SPIRE1: variants seen among roughly 807,000 people sequenced by gnomAD.
The protein encoded by SPIRE1 is protein spire homolog 1.
SPIRE1 carries 40 observed loss-of-function variants against 94.1 expected under a neutral mutation model. The ratio of observed to expected loss-of-function variants is 0.43; its 90% CI spans 0.33 to 0.55. SPIRE1 has a LOEUF of 0.55. Among genes scored for constraint, SPIRE1 ranks in the 20% least tolerant of loss-of-function variants. The probability of loss-of-function intolerance (pLI) is 0.06; values close to 1 mark genes in which losing one functional copy is unlikely to be tolerated. For missense variants in SPIRE1, 838 were observed against 975.2 expected (o/e 0.86, Z 1.87); for synonymous variants, 376 against 371.7 (o/e 1.01, Z -0.13).
At chr18:12,626,051 C>CCA (rs1555633944) in intron 2 of SPIRE1, among the ~76,000 whole-genome samples, 4 of 134,616 alleles carry the variant, frequency 3.0e-5, no homozygotes, top group South Asian at 2.3e-4. Context: ...CGCCCCCCCC[C>CCA]AAAAAAAGGA....
At chr18:12,595,426 A>T (rs1427345818) in intron 2 of SPIRE1, among the ~76,000 whole-genome samples, 1 of 152,266 alleles carries the variant, frequency 6.6e-6, no homozygotes, top group Non-Finnish European at 1.5e-5. Flanking sequence ...TGTTATACTC[A>T]GATTTCTGAC....
At chr18:12,510,447 C>T (rs2034000529) in intron 5 of SPIRE1, among the ~76,000 whole-genome samples, 1 of 151,842 alleles carries the variant, frequency 6.6e-6, no homozygotes, top group Admixed American at 6.6e-5. Flanking sequence ...CAAAAGCAAC[C>T]CATTCATATG....
At chr18:12,470,634 CAT>C (rs771620345) in intron 10 of SPIRE1, among the ~76,000 whole-genome samples, 98 of 152,264 alleles carry the variant, frequency 6.4e-4, no homozygotes, top group Non-Finnish European at 1.0e-3. Context: ...CACGTGTGTG[CAT>C]ATGTGTGGGT....
At chr18:12,622,044 C>T (rs2037485042) in intron 2 of SPIRE1, among the ~76,000 whole-genome samples, 1 of 152,114 alleles carries the variant, frequency 6.6e-6, no homozygotes, top group Non-Finnish European at 1.5e-5. Flanking sequence ...CAATTAGCCT[C>T]CACCTAAATG....
Position 12,511,091 on chromosome 18 carries a change from G to A in SPIRE1, c.807+1363C>T, listed in dbSNP as rs117686258. On this transcript the variant is annotated intron_variant, in intron 5 of 16. Transcript: ENST00000409402. Reference sequence around the variant, plus strand: ...CTCATATTGTTTATTCTGCATTCCCGGAGTCCTCACACAGGTAACTGTTCA... The same window carrying A: ...CTCATATTGTTTATTCTGCATTCCCAGAGTCCTCACACAGGTAACTGTTCA... 7.1e-3 allele frequency among the ~76,000 whole-genome samples: 1,083 copies of A among 152,172 alleles called. 6 individuals carry two copies. Among genetic ancestry groups the A allele is most frequent in the Non-Finnish European group, 0.012 (793 of 67,996 alleles).
chr18:12,658,581 A>C (rs1431103128), upstream of SPIRE1: 2 of 470,988 alleles, frequency 4.2e-6, no homozygotes, highest in Non-Finnish European at 8.8e-6. Context: ...TAGGCGCTGG[A>C]TCGCCGAAGG....
intron 12 of SPIRE1, among the ~76,000 whole-genome samples, chr18:12,462,324 A>G (rs2031899275): frequency 6.6e-6 from 1 of 152,388 alleles, no homozygotes; most frequent in Middle Eastern, 3.4e-3. Context: ...TGGACTTAGT[A>G]TTCAATATAT....
In SPIRE1 at chr18:12,503,205, T is replaced by C. The variant is rs75453253; in HGVS notation, c.972+3272A>G. On this transcript the variant is annotated intron_variant, in intron 6 of 16. Coordinates refer to ENST00000409402, the MANE Select transcript of SPIRE1 (RefSeq NM_001128626.2). ...TTTAAACATTCTTAAAAGAAACTCA[T>C]ACTGTTTGCTCACTGTCACTACTGC... Among the ~76,000 whole-genome samples the C allele has an allele frequency of 8.4e-3, 1,285 of 152,256 alleles. 41 individuals carry two copies. Among genetic ancestry groups the C allele is most frequent in the East Asian group, 0.068 (351 of 5,176 alleles).
In SPIRE1 at chr18:12,656,390, G is replaced by T. The variant is rs150288156; in HGVS notation, c.337+1140C>A. 9.9e-4 allele frequency among the ~76,000 whole-genome samples: 151 copies of T among 152,208 alleles called. 3 individuals carry two copies. Among genetic ancestry groups the T allele is most frequent in the East Asian group, 8.1e-3 (42 of 5,178 alleles). On this transcript the variant is annotated intron_variant, in intron 1 of 16. Transcript: ENST00000409402. ...GCTTTAAATAAAAAATCGTTTACCT[G>T]ACGCTAAAAAATAAAAGATAAAAGC...
intron 4 of SPIRE1, among the ~76,000 whole-genome samples, chr18:12,528,056 C>CA (rs149869128): frequency 0.14 from 20,038 of 138,222 alleles, 1,608 homozygotes; most frequent in African/African-American, 0.21. Flanking sequence ...GACTCTATCT[C>CA]AAAAAAAAAA....
chr18:12,450,351 C>T, intron 16 of SPIRE1: 1 of 309,860 alleles, frequency 3.2e-6, no homozygotes, highest in South Asian at 9.6e-5. Flanking sequence ...AAAAGCGAAA[C>T]TCTGTCTCAA....
intron 12 of SPIRE1, among the ~76,000 whole-genome samples, chr18:12,462,236 T>C (rs919710138): frequency 6.6e-6 from 1 of 152,238 alleles, no homozygotes; most frequent in African/African-American, 2.4e-5. Flanking sequence ...AAAATCCCTG[T>C]CTTCACAATA....
chr18:12,623,353 C>G (rs2037530038), intron 2 of SPIRE1, among the ~76,000 whole-genome samples: 1 of 152,022 alleles, frequency 6.6e-6, no homozygotes, highest in South Asian at 2.1e-4. Context: ...CAGGGTTTCA[C>G]TGTGTTAGCC....
chr18:12,520,173 T>C (rs1467936902), intron 4 of SPIRE1, among the ~76,000 whole-genome samples: 1 of 151,748 alleles, frequency 6.6e-6, no homozygotes, highest in Admixed American at 6.6e-5. Flanking sequence ...AGTTTAAAAG[T>C]GAAAAAAGGA....
intron 2 of SPIRE1, among the ~76,000 whole-genome samples, chr18:12,577,160 T>G (rs1257576731): frequency 6.6e-6 from 1 of 152,094 alleles, no homozygotes; most frequent in East Asian, 1.9e-4. Flanking sequence ...ATTATTTTTA[T>G]TTTTTGAGAC....
intron 2 of SPIRE1, among the ~76,000 whole-genome samples, chr18:12,600,810 C>T (rs1274848724): frequency 2.0e-5 from 3 of 151,984 alleles, no homozygotes; most frequent in Non-Finnish European, 2.9e-5. Flanking sequence ...GCAGCCTCGA[C>T]CTCCTGGACT....
upstream of SPIRE1, chr18:12,661,696 A>C (rs1684913354): frequency 6.6e-6 from 1 of 152,122 alleles, no homozygotes. Flanking sequence ...AATCGCTTGA[A>C]CCCAGGAAGT....
chr18:12,657,493 C>G (rs2038583120), intron 1 of SPIRE1, 37 bp downstream of exon 1: 1 of 1,224,498 alleles, frequency 8.2e-7, no homozygotes, highest in African/African-American at 1.6e-5. Flanking sequence ...CGCGGGTGTT[C>G]CAAGAACTAC....
At chr18:12,570,774 C>G (rs2035942537) in intron 2 of SPIRE1, among the ~76,000 whole-genome samples, 1 of 152,122 alleles carries the variant, frequency 6.6e-6, no homozygotes, top group South Asian at 2.1e-4. Flanking sequence ...TAAAATGTGG[C>G]ATCAAGAATT....
Sources: gnomAD v4.1 joint callset for allele counts (sites outside exome capture counted in the v4.1 genomes callset) on GRCh38, gnomAD v4.1.1 for gene constraint, MANE v1.5 for transcripts, NCBI Gene and HGNC (gene_info 2026-07-23, HGNC 2026-07-21) for gene names.